The following PI4K2A variants were observed in gnomAD, a reference collection of about 807,000 sequenced individuals.
The protein encoded by PI4K2A is phosphatidylinositol 4-kinase type 2-alpha.
Under a neutral mutation model 55.0 loss-of-function variants are expected in PI4K2A, and 20 were observed. The ratio of observed to expected loss-of-function variants is 0.36; its 90% CI spans 0.26 to 0.53. The LOEUF (loss-of-function observed/expected upper bound fraction) is 0.53, where lower values mean the gene tolerates loss of function less well. PI4K2A is among the 20% of genes least tolerant of loss of function. The pLI is 0.91. For missense variants in PI4K2A, 463 were observed against 637.1 expected, an observed-to-expected ratio of 0.73 and a Z score of 2.94; for synonymous variants, 235 against 258.5, an observed-to-expected ratio of 0.91 and a Z score of 0.87.
intron 1 of PI4K2A, among the ~76,000 whole-genome samples, chr10:97,643,558 C>T (rs759773544): frequency 3.9e-5 from 6 of 152,100 alleles, no homozygotes; most frequent in South Asian, 2.1e-4. Context: ...AGGTATGTTA[C>T]TTGGTGATTT....
At chr10:97,666,203 G>A (rs904700620) in intron 6 of PI4K2A, among the ~76,000 whole-genome samples, 1 of 152,174 alleles carries the variant, frequency 6.6e-6, no homozygotes, top group Non-Finnish European at 1.5e-5. Flanking sequence ...CATCTTGGAA[G>A]GTCATGTAAT....
chr10:97,643,423 T>C (rs867812381), intron 1 of PI4K2A, among the ~76,000 whole-genome samples: 22 of 151,936 alleles, frequency 1.4e-4, no homozygotes, highest in Middle Eastern at 6.8e-3. Context: ...GCATTGGAAG[T>C]GGGTTAGGTC....
At chr10:97,642,884 T>TTCCTTCCTTCCTTCCTTC (rs1564772363) in intron 1 of PI4K2A, among the ~76,000 whole-genome samples, 8 of 96,800 alleles carry the variant, frequency 8.3e-5, no homozygotes, top group East Asian at 2.7e-4. Flanking sequence ...TTTCTTTCTT[T>TTCCTTCCTTCCTTCCTTC]CTTCCTTCCT....
Position 97,666,583 on chromosome 10 carries a change from G to T in PI4K2A, c.1218+12G>T. The T allele has an allele frequency of 6.2e-7, 1 of 1,603,136 alleles. No homozygotes were observed. Among genetic ancestry groups the T allele is most frequent in the Non-Finnish European group, 8.5e-7 (1 of 1,176,054 alleles). ...ATGAACTCTTCAAGGTTAGCCCTGGGAACCTCAGCCCTATTATCATATGGG... is the reference window on the plus strand; with the variant it reads ...ATGAACTCTTCAAGGTTAGCCCTGGTAACCTCAGCCCTATTATCATATGGG... On this transcript the variant is annotated intron_variant, in intron 7 of 8. Transcript: ENST00000370631.
At chr10:97,660,066 A>G (rs1196100047) in intron 4 of PI4K2A, among the ~76,000 whole-genome samples, 1 of 138,530 alleles carries the variant, frequency 7.2e-6, no homozygotes, top group African/African-American at 2.8e-5. Context: ...CAGTGGCGCG[A>G]TCTCGGCTCA....
chr10:97,657,107 G>T, intron 4 of PI4K2A, 133 bp downstream of exon 4: 1 of 787,904 alleles, frequency 1.3e-6, no homozygotes, highest in South Asian at 1.8e-5. Context: ...GAAGTGGTGA[G>T]GCCTGGAGTT....
chr10:97,662,213 A>G (rs1387301435), intron 4 of PI4K2A, among the ~76,000 whole-genome samples: 1 of 152,086 alleles, frequency 6.6e-6, no homozygotes, highest in Non-Finnish European at 1.5e-5. Flanking sequence ...AACATTTTAA[A>G]GTCTGTATAT....
chr10:97,674,067 T>G, exon 9 of PI4K2A: 1 of 254,676 alleles, frequency 3.9e-6, no homozygotes, highest in Non-Finnish European at 7.5e-6. Flanking sequence ...CTATTGCAAT[T>G]CCCTATTATA....
At chr10:97,645,607 CAAAAA>C (rs1200079096) in intron 1 of PI4K2A, among the ~76,000 whole-genome samples, 2 of 49,592 alleles carry the variant, frequency 4.0e-5, no homozygotes, top group African/African-American at 7.2e-5. Flanking sequence ...GACTCTATCT[CAAAAA>C]AAAAAAAAAA....
intron 1 of PI4K2A, 60 bp from the exon 2 acceptor site, chr10:97,650,881 G>T (rs1289957355): frequency 8.1e-7 from 1 of 1,232,572 alleles, no homozygotes; most frequent in South Asian, 1.2e-5. Context: ...TGCTGACTTG[G>T]TCTGTGGGCT....
intron 1 of PI4K2A, among the ~76,000 whole-genome samples, chr10:97,647,880 A>G (rs1412027265): frequency 6.6e-6 from 1 of 151,724 alleles, no homozygotes; most frequent in African/African-American, 2.4e-5. Context: ...TTTAAATGAC[A>G]CTTGACTGCA....
At position 97,656,984 on chromosome 10, in the gene PI4K2A, T is replaced by C; in HGVS notation, c.922+10T>C. 6.2e-7 allele frequency: 1 copy of C among 1,614,120 alleles called. No individual in the cohort carries two copies. Among genetic ancestry groups the C allele is most frequent in the Non-Finnish European group, 8.5e-7 (1 of 1,179,984 alleles). ...ATCATCCGCAACACTGGTGAGCAGCTGCAGGTGGTCCCATGCCCTGTGCCA... is the reference window on the plus strand; with the variant it reads ...ATCATCCGCAACACTGGTGAGCAGCCGCAGGTGGTCCCATGCCCTGTGCCA... On this transcript the variant is annotated intron_variant, in intron 4 of 8. Coordinates refer to ENST00000370631, the Ensembl canonical transcript of PI4K2A. The surrounding 1 kb of genome is among the most constrained non-coding windows in gnomAD (Gnocchi z 4.5).
intron 8 of PI4K2A, among the ~76,000 whole-genome samples, chr10:97,672,070 G>T (rs1350545310): frequency 6.0e-5 from 9 of 150,200 alleles, no homozygotes; most frequent in Admixed American, 3.3e-4. Flanking sequence ...TTGAGATGGA[G>T]TCTCGCTCTC....
rs965456430 is a variant in PI4K2A, at chr10:97,641,489, A to G, written c.435+312A>G. On this transcript the variant is annotated intron_variant, in intron 1 of 8. Transcript: ENST00000370631. Reference sequence around the variant, plus strand: ...GAGACTGCTTTCTAGTAGGGTACTTAGCTTCACACTACTGGGACAGCTATT... The same window carrying G: ...GAGACTGCTTTCTAGTAGGGTACTTGGCTTCACACTACTGGGACAGCTATT... Among the ~76,000 whole-genome samples the G allele has an allele frequency of 4.6e-5, 7 of 152,138 alleles. No individual in the cohort carries two copies. In the East Asian group the frequency reaches 1.3e-3, roughly 29 times the overall value.
In PI4K2A at chr10:97,670,560, G is replaced by A. The variant is rs17108297; in HGVS notation, c.1279-3021G>A. Among the ~76,000 whole-genome samples the A allele has an allele frequency of 6.1e-3, 928 of 152,150 alleles. 9 individuals carry two copies. The highest frequency in any genetic ancestry group is 0.017 in the African/African-American group (713 of 41,508). The stretch of plus-strand genomic sequence containing the variant: ...TGACATGTTTACCCCAGATACTCCC[G>A]CAATCTCCTTTTAGTTCTTCACCCC... On this transcript the variant is annotated intron_variant, in intron 8 of 8. Transcript: ENST00000370631.
At chr10:97,671,418 C>T (rs1196079718) in intron 8 of PI4K2A, among the ~76,000 whole-genome samples, 2 of 151,882 alleles carry the variant, frequency 1.3e-5, no homozygotes, top group South Asian at 2.1e-4. Flanking sequence ...TGTCACTGTA[C>T]TCCAGCTTGG....
rs530336998 is a variant in PI4K2A, at chr10:97,659,314, G to T, written c.922+2340G>T. 1.8e-4 allele frequency among the ~76,000 whole-genome samples: 27 copies of T among 152,248 alleles called. No individual in the cohort carries two copies. The South Asian group carries it at 5.2e-3, about 29-fold the overall frequency. ...CTCTCAAAGTGCTGGGATTACAGGT[G>T]TGAACAACTGCGCCTGGCTTGCAAC... On this transcript the variant is annotated intron_variant, in intron 4 of 8. Transcript: ENST00000370631.
chr10:97,652,776 G>A (rs1199478646), intron 2 of PI4K2A, among the ~76,000 whole-genome samples: 8 of 152,196 alleles, frequency 5.3e-5, no homozygotes, highest in African/African-American at 9.6e-5. Context: ...AGTTATAGAA[G>A]TCAGAGACCA....
At chr10:97,657,181 A>G (rs887919288) in intron 4 of PI4K2A, among the ~76,000 whole-genome samples, 2 of 152,188 alleles carry the variant, frequency 1.3e-5, no homozygotes, top group African/African-American at 4.8e-5. Flanking sequence ...ACTCTTCCAA[A>G]GCACTGTGAA....
Sources: gnomAD v4.1 joint callset for allele counts (sites outside exome capture counted in the v4.1 genomes callset) on GRCh38, gnomAD v4.1.1 for gene constraint, Gnocchi (gnomAD v3.1) non-coding constraint, MANE v1.5 for transcripts, NCBI Gene and HGNC (gene_info 2026-07-23, HGNC 2026-07-21) for gene names.